The following SPTA1 variants were observed in gnomAD, a reference collection of about 807,000 sequenced individuals.
SPTA1 encodes the protein spectrin alpha, erythrocytic 1.
A neutral mutation model predicts 324.7 loss-of-function variants in SPTA1; 177 were observed. The ratio of observed to expected loss-of-function variants is 0.55; its 90% CI spans 0.48 to 0.62. The LOEUF (loss-of-function observed/expected upper bound fraction) is 0.62. SPTA1 is among the 20% of genes least tolerant of loss of function. The pLI, the probability that SPTA1 is intolerant of heterozygous loss-of-function variation, is 0.00. For synonymous variants in SPTA1, 1,195 were observed against 1,041.3 expected (o/e 1.15, Z -2.84); for missense variants, 3,162 against 2,883.6 (o/e 1.10, Z -2.21).
chr1:158,659,472 T>C (rs1653045268), intron 18 of SPTA1, among the ~76,000 whole-genome samples: 1 of 151,834 alleles, frequency 6.6e-6, no homozygotes, highest in South Asian at 2.1e-4. Flanking sequence ...AAGAAAAGAA[T>C]GTACAAGCAT....
chr1:158,644,285 G>A lies in SPTA1; in HGVS notation c.4306C>T (p.Arg1436Trp), dbSNP rs570224404. 45 of 1,613,788 alleles carry A rather than the reference G, an allele frequency of 2.8e-5. No homozygotes were observed. The East Asian group carries it at 3.6e-4, about 13-fold the overall frequency. The change falls in exon 30 of 52, where the codon CGG becomes TGG. Residue 1436 changes from arginine to tryptophan, a missense_variant. Transcript: ENST00000643759. The part of the protein sequence containing the change: ...LDSLEALMKK[R>W]DDLDKAITAQ... Reference sequence around the variant, plus strand: ...GTGATTGCTTTGTCCAAATCGTCCCGTTTCTTCATCAAAGCCTCCAGACTG... The same window carrying A: ...GTGATTGCTTTGTCCAAATCGTCCCATTTCTTCATCAAAGCCTCCAGACTG...
chr1:158,676,651 A>G (rs1654411784), intron 7 of SPTA1, among the ~76,000 whole-genome samples: 4 of 152,134 alleles, frequency 2.6e-5, no homozygotes, highest in African/African-American at 2.4e-5. Context: ...AAGGTTCCAA[A>G]CTAAGTTTTT....
Position 158,634,511 on chromosome 1 carries a change from A to C in SPTA1, c.5565+32T>G, listed in dbSNP as rs1462611088. ...CCAAGAAAATAACCAAATTGAAGAG[A>C]AGAAAATTGATTCATTCTTCCTGTT... On this transcript the variant is annotated intron_variant, in intron 39 of 51. Transcript: ENST00000643759. 1.9e-6 allele frequency: 3 copies of C among 1,612,948 alleles called. No individual in the cohort carries two copies. In the South Asian group the frequency reaches 3.3e-5, roughly 18 times the overall value.
intron 43 of SPTA1, among the ~76,000 whole-genome samples, chr1:158,622,529 A>T (rs2101766563): frequency 6.6e-6 from 1 of 152,280 alleles, no homozygotes; most frequent in African/African-American, 2.4e-5. Flanking sequence ...AATTTTCTAA[A>T]TGGGGATATC....
chr1:158,667,073 G>T (rs904644285), intron 15 of SPTA1, among the ~76,000 whole-genome samples: 2 of 152,102 alleles, frequency 1.3e-5, no homozygotes, highest in African/African-American at 4.8e-5. Context: ...CAAAGGAATT[G>T]CTGTGTCTCC....
intron 16 of SPTA1, among the ~76,000 whole-genome samples, chr1:158,663,584 A>T (rs1339677336): frequency 1.3e-5 from 2 of 152,168 alleles, no homozygotes; most frequent in Admixed American, 1.3e-4. Context: ...GGTGAAATAG[A>T]TACAATAGGT....
At chr1:158,666,582 T>C in intron 15 of SPTA1, 85 bp from the exon 16 acceptor site, 7 of 1,178,108 alleles carry the variant, frequency 5.9e-6, no homozygotes, top group Non-Finnish European at 8.7e-6. Context: ...AATTGAAGGA[T>C]CAATATAGTA....
intron 23 of SPTA1, 29 bp downstream of exon 23, chr1:158,652,438 A>G: frequency 6.2e-7 from 1 of 1,612,848 alleles, no homozygotes; most frequent in Non-Finnish European, 8.5e-7. Flanking sequence ...AACAATGGCA[A>G]CCTTCAAGAG....
At chr1:158,683,569 C>T in intron 2 of SPTA1, 73 bp from the exon 3 acceptor site, 1 of 1,594,018 alleles carries the variant, frequency 6.3e-7, no homozygotes, top group Non-Finnish European at 8.6e-7. Context: ...CTATGTAAAG[C>T]CACCAAACAC....
Position 158,611,268 on chromosome 1 carries a change from T to C in SPTA1, c.7256A>G (p.Asn2419Ser). The C allele has an allele frequency of 6.2e-7, 1 of 1,613,600 alleles. No individual in the cohort carries two copies. Among genetic ancestry groups the C allele is most frequent in the Non-Finnish European group, 8.5e-7 (1 of 1,179,648 alleles). Residue 2419 changes from asparagine to serine, a missense_variant, in exon 52 of 52, where the codon AAC (asparagine) becomes AGC (serine). Coordinates refer to ENST00000643759, the MANE Select transcript of SPTA1 (RefSeq NM_003126.4). ...YVGFTNSYFG[N>S] is the part of the protein sequence containing the mutation. ...CGATCCACGAGGAGCTGCTTATTAG[T>C]TGCCAAAGTAGGAATTGGTGAAGCC...
At position 158,662,897 on chromosome 1, in the gene SPTA1, C is replaced by T. The variant is rs746154685; in HGVS notation, c.2269G>A (p.Gly757Ser). The change falls in exon 17 of 52, where the codon GGC (glycine) becomes AGC (serine). Residue 757 changes from glycine to serine, a missense_variant. Coordinates refer to ENST00000643759, the MANE Select transcript of SPTA1 (RefSeq NM_003126.4). ...CTTATATCCTTAGAATCAGGATGGC[C>T]TATTTCTTCAAAATATGCAGCCAGG... ...TDLAAYFEEIGHPDSKDIRAR... is the reference protein window; with the variant it reads ...TDLAAYFEEISHPDSKDIRAR... 5 of 1,614,072 alleles carry T rather than the reference C, an allele frequency of 3.1e-6. No individual in the cohort carries two copies. The highest frequency in any genetic ancestry group is 4.2e-6 in the Non-Finnish European group (5 of 1,179,970).
Position 158,648,610 on chromosome 1 carries a change from C to A in SPTA1, c.3613G>T (p.Ala1205Ser). Residue 1205 changes from alanine (A) to serine (S), a missense_variant, in exon 26 of 52, where the codon GCC (alanine) becomes TCC (serine). By Grantham distance (99) the Ala-to-Ser change is moderately conservative. Coordinates refer to ENST00000643759, the MANE Select transcript of SPTA1 (RefSeq NM_003126.4). ...TKEQIEKKCQ[A>S]LSAADPGSDL... ...GAGCCAGGGTCTGCAGCACTGAGGG[C>A]CTGGCATTTCTTCTCAATCTGCTCC... 1 of 1,613,918 alleles carries A rather than the reference C, an allele frequency of 6.2e-7. No individual in the cohort carries two copies. The highest frequency in any genetic ancestry group is 8.5e-7 in the Non-Finnish European group (1 of 1,179,956).
chr1:158,642,786 T>C (rs1219637231), intron 32 of SPTA1, 28 bp downstream of exon 32: 1 of 1,613,724 alleles, frequency 6.2e-7, no homozygotes, highest in Admixed American at 1.7e-5. Flanking sequence ...AATGGTGAAA[T>C]TTTCCAAGAT....
chr1:158,668,385 C>A (rs916493946), intron 14 of SPTA1, among the ~76,000 whole-genome samples: 2 of 152,046 alleles, frequency 1.3e-5, no homozygotes, highest in Non-Finnish European at 2.9e-5. Context: ...CATTCCTCAC[C>A]GCATACATGA....
chr1:158,659,599 T>A lies in SPTA1; in HGVS notation c.2587+1688A>T, dbSNP rs1159309330. Among the ~76,000 whole-genome samples, 10 of 60,834 alleles carry A rather than the reference T, an allele frequency of 1.6e-4. 3 individuals carry two copies. The highest frequency in any genetic ancestry group is 3.9e-4 in the Admixed American group (2 of 5,166). 39.9% of individuals were successfully genotyped at this position (60,834 alleles called of 152,430 possible). ...GAAAATAATAGTCTTAGCATTATTT[T>A]TTTTTTTTTTTTTTTTTTTTTTGAG... On this transcript the variant is annotated intron_variant, in intron 18 of 51. Coordinates refer to ENST00000643759, the MANE Select transcript of SPTA1 (RefSeq NM_003126.4).
At chr1:158,648,826 T>C (rs919415209) in intron 25 of SPTA1, among the ~76,000 whole-genome samples, 173 bp from the exon 26 acceptor site, 59 of 144,540 alleles carry the variant, frequency 4.1e-4, no homozygotes, top group African/African-American at 1.4e-3. Flanking sequence ...GCTCATTTAA[T>C]CTTCACAACT....
At position 158,620,291 on chromosome 1, in the gene SPTA1, A is replaced by G. The variant is rs774415009; in HGVS notation, c.6296T>C (p.Phe2099Ser). 4 of 1,613,952 alleles carry G rather than the reference A, an allele frequency of 2.5e-6. No homozygotes were observed. The highest frequency in any genetic ancestry group is 3.4e-6 in the Non-Finnish European group (4 of 1,180,024). Reference protein sequence around the residue: ...LASLARAQADFKCLLELDQQI... With the variant: ...LASLARAQADSKCLLELDQQI... ...CTGGTCTAGCTCCAGCAAACATTTA[A>G]AGTCTGCTTGAGCCCTAGCCAGGGA... The change falls in exon 44 of 52, where the codon TTT becomes TCT. Residue 2099 changes from phenylalanine (F) to serine (S), a missense_variant. Phe to Ser is a radical substitution (Grantham distance 155, BLOSUM62 -2). Coordinates refer to ENST00000643759, the MANE Select transcript of SPTA1 (RefSeq NM_003126.4).
intron 42 of SPTA1, among the ~76,000 whole-genome samples, chr1:158,624,500 T>C (rs1382665455): frequency 6.6e-6 from 1 of 152,212 alleles, no homozygotes; most frequent in African/African-American, 2.4e-5. Flanking sequence ...TTCAGACTTG[T>C]ATGAGGCCTG....
rs750674822 is a variant in SPTA1, at chr1:158,681,673, G to A, written c.391-6C>T. 13 of 1,613,334 alleles carry A rather than the reference G, an allele frequency of 8.1e-6. No homozygotes were observed. Among genetic ancestry groups the A allele is most frequent in the Non-Finnish European group, 1.0e-5 (12 of 1,179,656 alleles). On this transcript the variant is annotated splice_polypyrimidine_tract_variant and splice_region_variant and intron_variant, in intron 3 of 51. Transcript: ENST00000643759. ...CGTAGCTCCTCTATATGGGCCTTTAGGAAAGAGGGGCAAAACCACTCAGCC... is the reference window on the plus strand; with the variant it reads ...CGTAGCTCCTCTATATGGGCCTTTAAGAAAGAGGGGCAAAACCACTCAGCC...
Sources: allele counts gnomAD v4.1 joint callset (sites outside exome capture counted in the v4.1 genomes callset), GRCh38; gene constraint gnomAD v4.1.1; transcripts MANE v1.5; gene names NCBI Gene and HGNC (gene_info 2026-07-23, HGNC 2026-07-21).